Variants in RFX3 observed in about 807,000 individuals in gnomAD.
RFX3 encodes the protein regulatory factor X3.
RFX3 carries 14 observed loss-of-function variants against 98.6 expected under a neutral mutation model. That is an observed-to-expected ratio of 0.14 (90% CI 0.09 to 0.22). The LOEUF (loss-of-function observed/expected upper bound fraction) is 0.22, where lower values mean the gene tolerates loss of function less well. Ranked by LOEUF, RFX3 falls within the 10% of genes least tolerant of loss-of-function variation. The pLI, the probability that RFX3 is intolerant of heterozygous loss-of-function variation, is 1.00. For missense variants in RFX3, 639 were observed against 926.9 expected (o/e 0.69, Z 4.03); for synonymous variants, 383 against 328.4 (o/e 1.17, Z -1.80).
Position 3,236,986 on chromosome 9 carries a change from T to C in RFX3, c.1969-8097A>G, listed in dbSNP as rs191335512. Among the ~76,000 whole-genome samples the C allele has an allele frequency of 1.1e-4, 16 of 152,344 alleles. No individual in the cohort carries two copies. In the East Asian group the frequency reaches 2.5e-3, roughly 24 times the overall value. The stretch of plus-strand genomic sequence containing the variant: ...CAAATGATTATAAACTTTTCTGAAA[T>C]AGTTTCTATCTTGTGGCTGGAATAA... On this transcript the variant is annotated intron_variant, in intron 15 of 16. Transcript: ENST00000617270.
rs546547554 is a variant in RFX3 at position 3,365,092 on chromosome 9, G to A, written c.118-18328C>T. Among the ~76,000 whole-genome samples the A allele has an allele frequency of 2.7e-3, 408 of 152,218 alleles. 1 individual carries two copies. The highest frequency in any genetic ancestry group is 4.1e-3 in the Non-Finnish European group (279 of 68,002). On this transcript the variant is annotated intron_variant, in intron 2 of 16. Coordinates refer to ENST00000617270, the MANE Select transcript of RFX3 (RefSeq NM_001282116.2). ...CGGGACAGGTGGATCACAAGGTCAG[G>A]AGATCGAGACCATCCTGGCCAACAT... is the stretch of plus-strand genomic sequence containing the variant.
chr9:3,348,130 A>G (rs1049104844), intron 2 of RFX3, among the ~76,000 whole-genome samples: 1 of 152,092 alleles, frequency 6.6e-6, no homozygotes, highest in African/African-American at 2.4e-5. Flanking sequence ...CCCGCCTATT[A>G]CTTATTCAAG....
intron 2 of RFX3, among the ~76,000 whole-genome samples, chr9:3,371,407 C>T (rs758115994): frequency 2.6e-5 from 4 of 152,070 alleles, no homozygotes; most frequent in Admixed American, 6.5e-5. Context: ...TTTCCGCTTA[C>T]GCAGCTCTAA....
chr9:3,259,093 C>A (rs1457132554), intron 13 of RFX3, among the ~76,000 whole-genome samples: 1 of 151,884 alleles, frequency 6.6e-6, no homozygotes, highest in South Asian at 2.1e-4. Context: ...TAACCAATCC[C>A]ACATAGTTAG....
At chr9:3,524,838 C>T (rs1348153222) in intron 1 of RFX3, among the ~76,000 whole-genome samples, 9 of 95,054 alleles carry the variant, frequency 9.5e-5, no homozygotes, top group Admixed American at 6.5e-4. Flanking sequence ...CACACACACA[C>T]ACACACACAC....
At chr9:3,435,590 T>A (rs1845052857) in intron 1 of RFX3, among the ~76,000 whole-genome samples, 1 of 151,908 alleles carries the variant, frequency 6.6e-6, no homozygotes, top group Non-Finnish European at 1.5e-5. Context: ...TGCATTTTAT[T>A]TATTTATACG....
chr9:3,290,752 A>C (rs1487958477), intron 6 of RFX3, among the ~76,000 whole-genome samples: 3 of 152,210 alleles, frequency 2.0e-5, no homozygotes, highest in Non-Finnish European at 2.9e-5. Flanking sequence ...ATAATCACTT[A>C]AAATGCTACA....
chr9:3,488,024 T>C (rs1850418487), intron 1 of RFX3, among the ~76,000 whole-genome samples: 1 of 152,126 alleles, frequency 6.6e-6, no homozygotes, highest in South Asian at 2.1e-4. Flanking sequence ...ATGAGGCGTA[T>C]TATAATTACT....
intron 1 of RFX3, among the ~76,000 whole-genome samples, chr9:3,408,669 GT>G (rs1321472175): frequency 6.6e-6 from 1 of 151,450 alleles, no homozygotes; most frequent in African/African-American, 2.4e-5. Flanking sequence ...CAGACAACAG[GT>G]CTTTGGTATC....
intron 2 of RFX3, among the ~76,000 whole-genome samples, chr9:3,366,820 A>C (rs1837263618): frequency 6.6e-6 from 1 of 151,218 alleles, no homozygotes; most frequent in African/African-American, 2.4e-5. Flanking sequence ...GAAATCATGC[A>C]TGCATTTGGG....
intron 1 of RFX3, among the ~76,000 whole-genome samples, chr9:3,480,816 G>A (rs1458309390): frequency 1.4e-5 from 2 of 144,780 alleles, no homozygotes; most frequent in Admixed American, 1.4e-4. Context: ...TGTCTTAGAG[G>A]AACGCTGTAG....
At chr9:3,292,061 CAAAAAAAAAAAAAAAAAAA>C (rs58788880) in intron 6 of RFX3, among the ~76,000 whole-genome samples, 72 of 23,936 alleles carry the variant, frequency 3.0e-3, no homozygotes, top group East Asian at 7.3e-3. Context: ...GACTCCATCT[CAAAAAAAAAAAAAAAAAAA>C]AAAAAAAAAA....
At chr9:3,374,332 T>C (rs951561669) in intron 2 of RFX3, among the ~76,000 whole-genome samples, 2 of 152,114 alleles carry the variant, frequency 1.3e-5, no homozygotes, top group Admixed American at 6.6e-5. Flanking sequence ...CAGTATATAC[T>C]CAAAATAATT....
At chr9:3,456,114 T>C (rs1299106941) in intron 1 of RFX3, among the ~76,000 whole-genome samples, 2 of 152,066 alleles carry the variant, frequency 1.3e-5, no homozygotes, top group Non-Finnish European at 2.9e-5. Context: ...TTTATAGGGG[T>C]TTTACTCCCA....
chr9:3,504,839 AATAT>A (rs1191373313), intron 1 of RFX3, among the ~76,000 whole-genome samples: 3 of 35,056 alleles, frequency 8.6e-5, no homozygotes, highest in Non-Finnish European at 1.2e-4. Context: ...ATATGTATAA[AATAT>A]ATATATTATA....
At chr9:3,450,170 T>C (rs2132846401) in intron 1 of RFX3, among the ~76,000 whole-genome samples, 1 of 152,322 alleles carries the variant, frequency 6.6e-6, no homozygotes, top group South Asian at 2.1e-4. Context: ...GGTTCATCAG[T>C]ACTACTAAGG....
chr9:3,483,189 C>A (rs963744961), intron 1 of RFX3, among the ~76,000 whole-genome samples: 10 of 152,040 alleles, frequency 6.6e-5, no homozygotes, highest in African/African-American at 2.2e-4. Context: ...ACACCACTAC[C>A]CGACCCCCAA....
intron 1 of RFX3, among the ~76,000 whole-genome samples, chr9:3,509,801 TAA>T (rs36100895): frequency 0.18 from 27,357 of 151,774 alleles, 4,383 homozygotes; most frequent in East Asian, 0.57. Flanking sequence ...TCTTTGCCTT[TAA>T]AAAAAGTTTT....
intron 2 of RFX3, among the ~76,000 whole-genome samples, chr9:3,365,233 G>C (rs150719419): frequency 0.025 from 3,716 of 150,462 alleles, 169 homozygotes; most frequent in African/African-American, 0.087. Context: ...CCAGGAAGTG[G>C]AGGTTGCAGT....
Sources: allele counts gnomAD v4.1 joint callset (sites outside exome capture counted in the v4.1 genomes callset), GRCh38; gene constraint gnomAD v4.1.1; transcripts MANE v1.5; gene names NCBI Gene and HGNC (gene_info 2026-07-23, HGNC 2026-07-21).